CAMK1D: variants seen among roughly 807,000 people sequenced by gnomAD.
CAMK1D encodes the protein calcium/calmodulin dependent protein kinase ID, also known as calcium/calmodulin-dependent protein kinase type 1D.
CAMK1D carries 9 observed loss-of-function variants against 47.7 expected under a neutral mutation model. The observed-to-expected ratio is 0.19, with a 90% CI of 0.11 to 0.33. The LOEUF (loss-of-function observed/expected upper bound fraction) is 0.33. Among genes scored for constraint, CAMK1D ranks in the 10% least tolerant of loss-of-function variants. The probability of loss-of-function intolerance (pLI) is 1.00; values close to 1 mark genes in which losing one functional copy is unlikely to be tolerated. For missense variants in CAMK1D, 291 were observed against 488.7 expected (o/e 0.60, Z 3.81); for synonymous variants, 184 against 184.9 (o/e 0.99, Z 0.04).
intron 1 of CAMK1D, among the ~76,000 whole-genome samples, chr10:12,510,376 A>G (rs1347775717): frequency 1.3e-5 from 2 of 152,122 alleles, no homozygotes; most frequent in African/African-American, 2.4e-5. Flanking sequence ...AGATTGTGCC[A>G]CTGCACTCCA....
At chr10:12,457,295 G>A (rs1183157666) in intron 1 of CAMK1D, among the ~76,000 whole-genome samples, 1 of 151,970 alleles carries the variant, frequency 6.6e-6, no homozygotes, top group African/African-American at 2.4e-5. Context: ...GGAGGCTGAG[G>A]CAGGAGAATC....
intron 1 of CAMK1D, among the ~76,000 whole-genome samples, chr10:12,496,383 C>T (rs939574725): frequency 6.6e-6 from 1 of 152,096 alleles, no homozygotes; most frequent in African/African-American, 2.4e-5. Context: ...GCGTCTGGGA[C>T]CCGGGCTGTT....
chr10:12,726,431 A>G (rs1214714765), intron 3 of CAMK1D, among the ~76,000 whole-genome samples: 2 of 152,060 alleles, frequency 1.3e-5, no homozygotes, highest in Middle Eastern at 3.2e-3. Flanking sequence ...AAAAAATAAA[A>G]TAAATAAGTA....
rs1564572010 is a variant in CAMK1D at position 12,801,337 on chromosome 10, CTATCTATCTATCTATCT to C, written c.641+10122_641+10138del. Among the ~76,000 whole-genome samples, 201 of 104,406 alleles carry C rather than the reference CTATCTATCTATCTATCT, an allele frequency of 1.9e-3. 1 individual carries two copies. The Middle Eastern group carries it at 0.023, about 12-fold the overall frequency. The allele number at this position is 104,406 out of a possible 152,430, so 68.5% of individuals were successfully genotyped here. ...TCTATCTATCTATCTATCTATCTAT[CTATCTATCTATCTATCT>C]TATCTATCTATCTATCTATCTATCT... On this transcript the variant is annotated intron_variant, in intron 6 of 10. Coordinates refer to ENST00000619168, the MANE Select transcript of CAMK1D (RefSeq NM_153498.4).
intron 1 of CAMK1D, among the ~76,000 whole-genome samples, chr10:12,506,335 G>T (rs1381373799): frequency 6.6e-6 from 1 of 152,040 alleles, no homozygotes; most frequent in Non-Finnish European, 1.5e-5. Context: ...CTGGAGAATT[G>T]CTTGAACCTG....
intron 3 of CAMK1D, among the ~76,000 whole-genome samples, chr10:12,710,357 G>T (rs1243035206): frequency 6.6e-6 from 1 of 152,072 alleles, no homozygotes; most frequent in Non-Finnish European, 1.5e-5. Context: ...CGGTAATTTG[G>T]CTGTACCCTG....
At chr10:12,757,150 A>T (rs905401024) in intron 3 of CAMK1D, among the ~76,000 whole-genome samples, 6 of 151,500 alleles carry the variant, frequency 4.0e-5, no homozygotes, top group Non-Finnish European at 8.8e-5. Context: ...TTTTTTTTTG[A>T]GACAGGGTCT....
At chr10:12,447,701 C>CA (rs1426761322) in intron 1 of CAMK1D, among the ~76,000 whole-genome samples, 15 of 150,680 alleles carry the variant, frequency 1.0e-4, no homozygotes, top group African/African-American at 1.5e-4. Context: ...GATCCTATTT[C>CA]AAAAAAAAAT....
intron 2 of CAMK1D, among the ~76,000 whole-genome samples, chr10:12,633,538 C>T (rs148532047): frequency 4.6e-5 from 7 of 152,228 alleles, no homozygotes; most frequent in Non-Finnish European, 1.0e-4. Flanking sequence ...CCGAGGGCTC[C>T]GTGAAAACTG....
chr10:12,439,967 G>A (rs1431908130), intron 1 of CAMK1D, among the ~76,000 whole-genome samples: 1 of 152,202 alleles, frequency 6.6e-6, no homozygotes, highest in Non-Finnish European at 1.5e-5. Context: ...GATCTCGTGA[G>A]AGACCTACTC....
rs544180117 is a variant in CAMK1D, at chr10:12,632,647, T to C, written c.225-34089T>C. Among the ~76,000 whole-genome samples the C allele has an allele frequency of 5.3e-5, 8 of 152,352 alleles. No individual in the cohort carries two copies. In the East Asian group the frequency reaches 1.4e-3, roughly 26 times the overall value. ...ATGAAACTCCAAGAGTTTGGAGGGC[T>C]GGGACCCAGATCTTTGGACTGCTCA... On this transcript the variant is annotated intron_variant, in intron 2 of 10. Coordinates refer to ENST00000619168, the MANE Select transcript of CAMK1D (RefSeq NM_153498.4).
chr10:12,387,728 G>A (rs974867215), intron 1 of CAMK1D, among the ~76,000 whole-genome samples: 1 of 151,336 alleles, frequency 6.6e-6, no homozygotes, highest in South Asian at 2.1e-4. Context: ...GTGCTCAAGC[G>A]ATCCGCCCAC....
intron 2 of CAMK1D, among the ~76,000 whole-genome samples, chr10:12,578,422 T>C (rs1837558664): frequency 6.6e-6 from 1 of 151,336 alleles, no homozygotes; most frequent in Admixed American, 6.6e-5. Context: ...AATACAAAAT[T>C]AGTTGGGCGT....
intron 1 of CAMK1D, among the ~76,000 whole-genome samples, chr10:12,477,413 T>C (rs1833934249): frequency 6.6e-6 from 1 of 152,056 alleles, no homozygotes. Flanking sequence ...AGACTCTGGC[T>C]CAAAAAAGCA....
chr10:12,598,033 C>G (rs1838196129), intron 2 of CAMK1D, among the ~76,000 whole-genome samples: 3 of 152,184 alleles, frequency 2.0e-5, no homozygotes, highest in Admixed American at 2.0e-4. Flanking sequence ...ATGGACGATG[C>G]CGTGAAACAC....
Position 12,428,117 on chromosome 10 carries a change from CATCA to C in CAMK1D, c.92+78213_92+78216del, listed in dbSNP as rs573887738. On this transcript the variant is annotated intron_variant, in intron 1 of 10. Coordinates refer to ENST00000619168, the MANE Select transcript of CAMK1D (RefSeq NM_153498.4). ...ACATGCCATGGTGGTTTGCTGCACC[CATCA>C]ATCAACCCGTCATCTGCATTAGGTA... Among the ~76,000 whole-genome samples the C allele has an allele frequency of 2.7e-4, 41 of 152,226 alleles. No homozygotes were observed. In the South Asian group the frequency reaches 3.3e-3, roughly 12 times the overall value.
At chr10:12,414,976 A>G (rs181833423) in intron 1 of CAMK1D, among the ~76,000 whole-genome samples, 16 of 152,274 alleles carry the variant, frequency 1.1e-4, no homozygotes, top group African/African-American at 3.8e-4. Context: ...GGGAAAAAAA[A>G]TCTAGTTAAC....
chr10:12,517,988 T>G (rs2132179559), intron 1 of CAMK1D, among the ~76,000 whole-genome samples: 1 of 152,360 alleles, frequency 6.6e-6, no homozygotes, highest in South Asian at 2.1e-4. Context: ...AAATTCTTGG[T>G]GCAATTCATC....
At chr10:12,368,160 C>A in intron 1 of CAMK1D, among the ~76,000 whole-genome samples, 1 of 151,074 alleles carries the variant, frequency 6.6e-6, no homozygotes, top group East Asian at 1.9e-4. Flanking sequence ...CCACTGCAGT[C>A]CGCAGTCCGG....
Sources: gnomAD v4.1 joint callset for allele counts (sites outside exome capture counted in the v4.1 genomes callset) on GRCh38, gnomAD v4.1.1 for gene constraint, MANE v1.5 for transcripts, NCBI Gene and HGNC (gene_info 2026-07-23, HGNC 2026-07-21) for gene names.